ST6GALNAC2: variants seen among roughly 807,000 people sequenced by gnomAD.
ST6GALNAC2 encodes alpha-N-acetylgalactosaminide alpha-2,6-sialyltransferase 2.
ST6GALNAC2 carries 42 observed loss-of-function variants against 38.7 expected under a neutral mutation model. The ratio of observed to expected loss-of-function variants is 1.09; its 90% CI spans 0.85 to 1.40. The LOEUF (loss-of-function observed/expected upper bound fraction) is 1.40. Among genes scored for constraint, ST6GALNAC2 ranks in the 40% most tolerant of loss-of-function variants. The pLI, the probability that ST6GALNAC2 is intolerant of heterozygous loss-of-function variation, is 0.00. For synonymous variants in ST6GALNAC2, 233 were observed against 209.0 expected (o/e 1.11, Z -0.99); for missense variants, 506 against 481.7 (o/e 1.05, Z -0.47).
Position 76,574,494 on chromosome 17 carries a change from G to A in ST6GALNAC2, c.232C>T (p.Pro78Ser), listed in dbSNP as rs753463254. ...HLLHLAIQRH[P>S]HFRGLFNLSI... ...AGATTGAACAGGCCACGGAAGTGGGGGTGCCGCTGAATGGCCAGGTGAAGC... is the reference window on the plus strand; with the variant it reads ...AGATTGAACAGGCCACGGAAGTGGGAGTGCCGCTGAATGGCCAGGTGAAGC... The change falls in exon 3 of 9, where the codon CCC (proline) becomes TCC (serine). Residue 78 changes from proline to serine, a missense_variant. Pro to Ser is a moderately conservative substitution (Grantham distance 74, BLOSUM62 -1). Coordinates refer to ENST00000225276, the MANE Select transcript of ST6GALNAC2 (RefSeq NM_006456.3). The A allele has an allele frequency of 6.2e-7, 1 of 1,613,806 alleles. No individual in the cohort carries two copies.
intron 5 of ST6GALNAC2, 73 bp from the exon 6 acceptor site, chr17:76,570,741 AC>A: frequency 8.3e-7 from 1 of 1,204,972 alleles, no homozygotes; most frequent in Admixed American, 1.9e-5. Flanking sequence ...ACAGCCCTCC[AC>A]CCAACCTTGC....
chr17:76,566,472 A>G (rs1485838073), intron 8 of ST6GALNAC2, among the ~76,000 whole-genome samples: 1 of 152,148 alleles, frequency 6.6e-6, no homozygotes, highest in African/African-American at 2.4e-5. Flanking sequence ...GGTGATTGCC[A>G]GAGCTGGATT....
chr17:76,567,497 T>C lies in ST6GALNAC2; in HGVS notation c.913A>G (p.Thr305Ala), dbSNP rs2075299269. The C allele has an allele frequency of 6.2e-7, 1 of 1,614,006 alleles. No homozygotes were observed. Among genetic ancestry groups the C allele is most frequent in the Non-Finnish European group, 8.5e-7 (1 of 1,180,002 alleles). The change falls in exon 8 of 9, where the codon ACC becomes GCC. Residue 305 changes from threonine (T) to alanine (A), a missense_variant. Coordinates refer to ENST00000225276, the MANE Select transcript of ST6GALNAC2 (RefSeq NM_006456.3). Reference sequence around the variant, plus strand: ...GCTGTCAGCAGCATGAGAGCCCCGGTACTAGGCATATATAGGTCTCCAAAA... The same window carrying C: ...GCTGTCAGCAGCATGAGAGCCCCGGCACTAGGCATATATAGGTCTCCAAAA... ...THFGDLYMPS[T>A]GALMLLTALH...
rs753009414 is a variant in ST6GALNAC2 at position 76,578,820 on chromosome 17, G to T, written c.126-4C>A. 22 of 1,612,900 alleles carry T rather than the reference G, an allele frequency of 1.4e-5. No individual in the cohort carries two copies. In the East Asian group the frequency reaches 4.9e-4, roughly 36 times the overall value. On this transcript the variant is annotated splice_polypyrimidine_tract_variant and splice_region_variant and intron_variant, in intron 1 of 8. Transcript: ENST00000225276. ...TGCTTCAAATGATGTGGTGTCCCTG[G>T]GGGAAAAAGCAGAAAAAAGCAGGGG...
Position 76,574,350 on chromosome 17 carries a change from G to A in ST6GALNAC2, c.361+15C>T. 6.2e-7 allele frequency: 1 copy of A among 1,606,488 alleles called. No homozygotes were observed. Among genetic ancestry groups the A allele is most frequent in the Non-Finnish European group, 8.5e-7 (1 of 1,175,526 alleles). On this transcript the variant is annotated intron_variant, in intron 3 of 8. Transcript: ENST00000225276. Reference sequence around the variant, plus strand: ...TAAGGCAGAAGGCAGGTGAGAGACAGCGGGCGCGGGTTACCTTGGTGAGAG... The same window carrying A: ...TAAGGCAGAAGGCAGGTGAGAGACAACGGGCGCGGGTTACCTTGGTGAGAG...
chr17:76,580,140 G>A (rs1026219278), intron 1 of ST6GALNAC2, among the ~76,000 whole-genome samples: 3 of 152,220 alleles, frequency 2.0e-5, no homozygotes, highest in African/African-American at 7.2e-5. Context: ...CCTCTAGGTG[G>A]CCAGGCACGG....
At chr17:76,567,321 T>G (rs2075296950) in intron 8 of ST6GALNAC2, 132 bp downstream of exon 8, 1 of 665,342 alleles carries the variant, frequency 1.5e-6, no homozygotes, top group East Asian at 2.7e-5. Flanking sequence ...CCAGCAGCAC[T>G]CTTGGAACTG....
chr17:76,579,002 C>T lies in ST6GALNAC2; in HGVS notation c.126-186G>A, dbSNP rs887772276. On this transcript the variant is annotated intron_variant, in intron 1 of 8. Coordinates refer to ENST00000225276, the MANE Select transcript of ST6GALNAC2 (RefSeq NM_006456.3). The stretch of plus-strand genomic sequence containing the variant: ...TGGTGCAATCTCGGCTCACTGCAAC[C>T]TCTGCCTCCTGGGTTCAAGTGATTC... 2.4e-5 allele frequency: 10 copies of T among 412,942 alleles called. No individual in the cohort carries two copies. The South Asian group carries it at 3.0e-4, about 12-fold the overall frequency. The allele number at this position is 412,942 out of a possible 1,614,324, so 25.6% of individuals were successfully genotyped here.
Position 76,570,626 on chromosome 17 carries a change from CA to C in ST6GALNAC2, c.711del (p.Tyr237Ter). On this transcript the variant is annotated frameshift_variant, in exon 6 of 9. Coordinates refer to ENST00000225276, the MANE Select transcript of ST6GALNAC2 (RefSeq NM_006456.3). LOFTEE classifies it high-confidence loss of function. Reference protein sequence around the residue: ...YIFIPSDIRDYVMLRSAILGV... With the variant: ...YIFIPSDIRDXVMLRSAILGV... The stretch of plus-strand genomic sequence containing the variant: ...CCCAGAATGGCCGATCTCAGCATCA[CA>C]TAGTCGCGGATGTCTGAGGGGATGA... 1 of 1,613,380 alleles carries C rather than the reference CA, an allele frequency of 6.2e-7. No homozygotes were observed. Among genetic ancestry groups the C allele is most frequent in the Non-Finnish European group, 8.5e-7 (1 of 1,179,838 alleles).
intron 8 of ST6GALNAC2, 89 bp downstream of exon 8, chr17:76,567,364 C>A: frequency 1.1e-6 from 1 of 940,230 alleles, no homozygotes; most frequent in South Asian, 1.4e-5. Flanking sequence ...AGAGTCCCAG[C>A]TCCGAGGTAA....
chr17:76,570,110 G>A (rs1254454692), intron 6 of ST6GALNAC2: 1 of 171,916 alleles, frequency 5.8e-6, no homozygotes, highest in African/African-American at 2.4e-5. Context: ...TCATGGGCAT[G>A]ACCCTGGGAA....
chr17:76,575,333 A>G (rs1392741748), intron 2 of ST6GALNAC2, among the ~76,000 whole-genome samples: 1 of 152,154 alleles, frequency 6.6e-6, no homozygotes, highest in African/African-American at 2.4e-5. Context: ...TGTCCCCCCA[A>G]AATTCATTAC....
intron 1 of ST6GALNAC2, 37 bp downstream of exon 1, chr17:76,585,647 C>T: frequency 6.6e-7 from 1 of 1,503,858 alleles, no homozygotes; most frequent in Non-Finnish European, 8.8e-7. Flanking sequence ...CCCTGGTCGC[C>T]CCTGCGCCCT....
intron 5 of ST6GALNAC2, among the ~76,000 whole-genome samples, chr17:76,571,897 G>A (rs897887037): frequency 2.6e-5 from 4 of 152,180 alleles, no homozygotes; most frequent in Non-Finnish European, 4.4e-5. Flanking sequence ...ATGCTAGCTC[G>A]CATGCAGTGG....
intron 6 of ST6GALNAC2, chr17:76,570,140 T>A (rs2075336967): frequency 1.1e-5 from 2 of 176,366 alleles, no homozygotes; most frequent in Non-Finnish European, 2.4e-5. Flanking sequence ...GCAGGAGGAG[T>A]GGCCCAGACT....
rs1263112388 is a variant in ST6GALNAC2, at chr17:76,585,692, G to C, written c.117C>G (p.Ala39=). The part of the protein sequence containing the change: ...SAVQRYPGPA[A]GARDTTSFEA... ...CGCTCGGCAGCCCCTACCTGGCTCC[G>C]GCCGCTGGCCCCGGGTACCGCTGCA... The change falls in exon 1 of 9, where the codon GCC becomes GCG. Residue 39 remains alanine, a synonymous_variant. Transcript: ENST00000225276. 2.6e-6 allele frequency: 4 copies of C among 1,526,052 alleles called. No homozygotes were observed. Among genetic ancestry groups the C allele is most frequent in the Non-Finnish European group, 3.5e-6 (4 of 1,141,022 alleles). 94.5% of individuals were successfully genotyped at this position (1,526,052 alleles called of 1,614,324 possible).
chr17:76,578,500 A>G (rs1598259007), intron 2 of ST6GALNAC2, among the ~76,000 whole-genome samples: 1 of 152,316 alleles, frequency 6.6e-6, no homozygotes, highest in East Asian at 1.9e-4. Context: ...TACAATCTTA[A>G]GACTCCAAAG....
chr17:76,567,188 GA>G (rs1344295340), intron 8 of ST6GALNAC2, among the ~76,000 whole-genome samples: 1 of 152,160 alleles, frequency 6.6e-6, no homozygotes, highest in African/African-American at 2.4e-5. Context: ...GTGAAAGAAG[GA>G]AGCCTGGGGC....
intron 7 of ST6GALNAC2, 29 bp from the exon 8 acceptor site, chr17:76,567,581 A>C: frequency 8.0e-5 from 117 of 1,468,016 alleles, no homozygotes; most frequent in Non-Finnish European, 9.9e-5. Flanking sequence ...ATTTCAGCTC[A>C]CTAGCTTGAT....
Sources: gnomAD v4.1 joint callset for allele counts (sites outside exome capture counted in the v4.1 genomes callset) on GRCh38, gnomAD v4.1.1 for gene constraint, MANE v1.5 for transcripts, NCBI Gene and HGNC (gene_info 2026-07-23, HGNC 2026-07-21) for gene names.